The following PCDH11X variants were observed in gnomAD, a reference collection of about 807,000 sequenced individuals.
The protein encoded by PCDH11X is protocadherin-11 X-linked.
PCDH11X carries 18 observed loss-of-function variants against 53.3 expected under a neutral mutation model. The observed-to-expected ratio is 0.34, with a 90% CI of 0.23 to 0.50. The LOEUF is 0.50. PCDH11X is among the 20% of genes least tolerant of loss of function. PCDH11X has a pLI of 0.98. For synonymous variants in PCDH11X, 279 were observed against 393.3 expected, an observed-to-expected ratio of 0.71 and a Z score of 3.44; for missense variants, 570 against 1,032.4, an observed-to-expected ratio of 0.55 and a Z score of 6.14.
chrX:92,015,799 A>C (rs1423527413), intron 6 of PCDH11X, among the ~76,000 whole-genome samples: 4 of 111,829 alleles, frequency 3.6e-5, no homozygotes, highest in African/African-American at 1.3e-4. Context: ...GTTCTTGTCA[A>C]TATTGATATT....
chrX:92,037,823 G>T (rs771458517), intron 6 of PCDH11X, among the ~76,000 whole-genome samples: 3 of 108,379 alleles, frequency 2.8e-5, no homozygotes, highest in Admixed American at 9.9e-5. Context: ...GTGTATGTTT[G>T]TTGGCCACAT....
At chrX:91,967,026 C>A (rs2061875018) in intron 6 of PCDH11X, among the ~76,000 whole-genome samples, 1 of 87,058 alleles carries the variant, frequency 1.1e-5, no homozygotes, top group African/African-American at 4.3e-5. Flanking sequence ...GTTCCCATTT[C>A]TGTGTCCATG....
intron 9 of PCDH11X, among the ~76,000 whole-genome samples, chrX:92,462,846 A>G (rs767296163): frequency 9.2e-6 from 1 of 108,591 alleles, no homozygotes; most frequent in East Asian, 2.8e-4. Flanking sequence ...AGAATTTGTT[A>G]TCTTAAATAT....
intron 6 of PCDH11X, among the ~76,000 whole-genome samples, chrX:91,896,054 A>G (rs1003828914): frequency 3.8e-5 from 4 of 106,515 alleles, no homozygotes; most frequent in African/African-American, 1.4e-4. Flanking sequence ...GAAAAAGATG[A>G]AGAGTGTATT....
rs773891448 is a variant in PCDH11X, at chrX:92,524,544, T to G, written c.3367+56222T>G. On this transcript the variant is annotated intron_variant, in intron 10 of 10. Transcript: ENST00000682573. ...TCTACTGCCCATAGCAACTGCCCAGTTGTCAGTAACCCCATCCCTATTTTT... is the reference window on the plus strand; with the variant it reads ...TCTACTGCCCATAGCAACTGCCCAGGTGTCAGTAACCCCATCCCTATTTTT... 8.0e-3 allele frequency among the ~76,000 whole-genome samples: 838 copies of G among 104,197 alleles called. 7 individuals carry two copies. Among genetic ancestry groups the G allele is most frequent in the African/African-American group, 0.028 (807 of 28,734 alleles). 90.5% of individuals were successfully genotyped at this position (104,197 alleles called of 115,157 possible).
chrX:92,436,014 A>G (rs953389819), intron 9 of PCDH11X, among the ~76,000 whole-genome samples: 6 of 110,635 alleles, frequency 5.4e-5, no homozygotes, highest in African/African-American at 2.0e-4. Context: ...ATAGCAAAAG[A>G]AACTGTCAAC....
At chrX:91,805,627 G>A (rs936043441) in intron 1 of PCDH11X, among the ~76,000 whole-genome samples, 7 of 108,058 alleles carry the variant, frequency 6.5e-5, no homozygotes, top group African/African-American at 2.1e-4. Context: ...ACCAGCCTGG[G>A]GAACATAGTG....
chrX:92,387,831 A>G lies in PCDH11X; in HGVS notation c.3241A>G (p.Thr1081Ala), dbSNP rs1262757973. Residue 1081 changes from threonine (T) to alanine (A), a missense_variant, in exon 9 of 11, where the codon ACA (threonine) becomes GCA (alanine). Physicochemically the swap from Thr to Ala is moderately conservative, Grantham distance 58 (BLOSUM62 0). Transcript: ENST00000682573. ...CCATGATGCAGGCAGCCTTACCAGC[A>G]CATCTCATGGCCTGCCCCTTGGCTA... Reference protein sequence around the residue: ...GDHDAGSLTSTSHGLPLGYPQ... With the variant: ...GDHDAGSLTSASHGLPLGYPQ... 4 of 1,209,939 alleles carry G rather than the reference A, an allele frequency of 3.3e-6. No individual in the cohort carries two copies. The highest frequency in any genetic ancestry group is 4.5e-6 in the Non-Finnish European group (4 of 895,201).
At chrX:92,247,151 C>G (rs2067367015) in intron 7 of PCDH11X, among the ~76,000 whole-genome samples, 1 of 111,787 alleles carries the variant, frequency 8.9e-6, no homozygotes, top group Admixed American at 9.5e-5. Context: ...CATTCATTTT[C>G]TATGACTTAG....
chrX:92,360,049 T>G (rs1380583257), intron 8 of PCDH11X, among the ~76,000 whole-genome samples: 1 of 111,041 alleles, frequency 9.0e-6, no homozygotes, highest in African/African-American at 3.3e-5. Context: ...AGGCAACTAT[T>G]TTTAAAATAA....
At chrX:92,101,476 T>C (rs751508431) in intron 6 of PCDH11X, among the ~76,000 whole-genome samples, 1 of 111,504 alleles carries the variant, frequency 9.0e-6, no homozygotes, top group Admixed American at 9.6e-5. Context: ...CCATTCTACT[T>C]TTCTTGAAGA....
At chrX:92,245,707 C>A (rs2067337255) in intron 7 of PCDH11X, among the ~76,000 whole-genome samples, 1 of 111,854 alleles carries the variant, frequency 8.9e-6, no homozygotes, top group South Asian at 3.7e-4. Context: ...ACACATTGGG[C>A]AGTCCTTCCT....
At chrX:92,335,945 G>A (rs926373500) in intron 8 of PCDH11X, among the ~76,000 whole-genome samples, 9 of 110,875 alleles carry the variant, frequency 8.1e-5, no homozygotes, top group East Asian at 2.8e-4. Context: ...CTTTTATGCC[G>A]TTGGTGGTCA....
chrX:92,186,265 G>A (rs759150209), intron 6 of PCDH11X, among the ~76,000 whole-genome samples: 53 of 111,879 alleles, frequency 4.7e-4, no homozygotes, highest in Non-Finnish European at 9.4e-4. Flanking sequence ...ACAGAAATAG[G>A]CACATATGAG....
intron 8 of PCDH11X, among the ~76,000 whole-genome samples, chrX:92,373,126 T>C (rs189247266): frequency 0.018 from 1,885 of 107,524 alleles, 46 homozygotes; most frequent in African/African-American, 0.06. Flanking sequence ...GACAGGTCAA[T>C]AGAAGAAATG....
chrX:92,139,818 C>A (rs1277108226), intron 6 of PCDH11X, among the ~76,000 whole-genome samples: 2 of 110,858 alleles, frequency 1.8e-5, no homozygotes, highest in Non-Finnish European at 3.8e-5. Context: ...TACATACCTT[C>A]ATTACTAAAA....
intron 8 of PCDH11X, among the ~76,000 whole-genome samples, chrX:92,264,880 A>ATTTTT (rs36145079): frequency 0.033 from 2,906 of 87,719 alleles, 96 homozygotes; most frequent in Middle Eastern, 0.1. Context: ...GTGAAGGACA[A>ATTTTT]TTTTTTTTTT....
At chrX:92,375,605 C>A (rs2070734180) in intron 8 of PCDH11X, among the ~76,000 whole-genome samples, 1 of 109,518 alleles carries the variant, frequency 9.1e-6, no homozygotes, top group Admixed American at 9.8e-5. Flanking sequence ...GTTTACATGA[C>A]TTTTAATATT....
intron 7 of PCDH11X, among the ~76,000 whole-genome samples, chrX:92,207,252 C>T (rs1403870556): frequency 3.6e-5 from 4 of 111,413 alleles, no homozygotes; most frequent in African/African-American, 1.3e-4. Context: ...AAATGGCAGT[C>T]GATCAGCTTT....
Sources: allele counts gnomAD v4.1 joint callset (sites outside exome capture counted in the v4.1 genomes callset), GRCh38; gene constraint gnomAD v4.1.1; transcripts MANE v1.5; gene names NCBI Gene and HGNC (gene_info 2026-07-23, HGNC 2026-07-21).